The following SERINC3 variants were observed in gnomAD, a reference collection of about 807,000 sequenced individuals.
SERINC3 encodes the protein serine incorporator 3.
In SERINC3, 22 loss-of-function variants were observed where a neutral mutation model predicts 52.1. The ratio of observed to expected loss-of-function variants is 0.42; its 90% CI spans 0.30 to 0.60. The LOEUF is 0.60. Ranked by LOEUF, SERINC3 falls within the 20% of genes least tolerant of loss-of-function variation. The pLI is 0.16. For synonymous variants in SERINC3, 226 were observed against 212.7 expected (o/e 1.06, Z -0.54); for missense variants, 564 against 584.6 (o/e 0.96, Z 0.36).
chr20:44,515,828 T>C lies in SERINC3; in HGVS notation c.40-1788A>G, dbSNP rs1329527395. 3.3e-5 allele frequency among the ~76,000 whole-genome samples: 5 copies of C among 151,396 alleles called. No homozygotes were observed. In the East Asian group the frequency reaches 7.8e-4, roughly 24 times the overall value. On this transcript the variant is annotated intron_variant, in intron 1 of 9. Coordinates refer to ENST00000342374, the MANE Select transcript of SERINC3 (RefSeq NM_006811.4). The stretch of plus-strand genomic sequence containing the variant: ...GCCACCCCCAGCTGATTTTTTTTTG[T>C]ATTTTTTAGTAGAGACAGGGTTTTG...
intron 1 of SERINC3, 102 bp downstream of exon 1, chr20:44,521,811 G>A: frequency 1.6e-6 from 2 of 1,223,742 alleles, no homozygotes; most frequent in Non-Finnish European, 2.3e-6. Context: ...AGGGCCTGCT[G>A]ACATCCCGAG....
At chr20:44,496,392 TAAAG>T (rs1240948324), downstream of SERINC3, 1 of 152,060 alleles carries the variant, frequency 6.6e-6, no homozygotes. Context: ...ACAACAGGAG[TAAAG>T]AGATGAACAG....
At chr20:44,516,102 G>C (rs1215895813) in intron 1 of SERINC3, among the ~76,000 whole-genome samples, 1 of 148,442 alleles carries the variant, frequency 6.7e-6, no homozygotes, top group Non-Finnish European at 1.5e-5. Flanking sequence ...AGGAGTTCAA[G>C]ACCAGCCTGG....
chr20:44,497,182 G>A (rs947512910), downstream of SERINC3, among the ~76,000 whole-genome samples: 6 of 152,208 alleles, frequency 3.9e-5, no homozygotes, highest in Non-Finnish European at 7.3e-5. Context: ...TGGAATGAAA[G>A]GCCACCCTGA....
At position 44,499,150 on chromosome 20, in the gene SERINC3, G is replaced by T. The variant is rs78697396; in HGVS notation, c.*1146C>A. 2.0e-5 allele frequency: 3 copies of T among 152,468 alleles called. No homozygotes were observed. In the East Asian group the frequency reaches 5.6e-4, roughly 29 times the overall value. 9.4% of individuals were successfully genotyped at this position (152,468 alleles called of 1,614,324 possible). ...TCCAAGACGGCAGAGCCTCTATCAT[G>T]TTTAACACTGTACCCCAAAACCTAC... On this transcript the variant is annotated 3_prime_UTR_variant, in exon 10 of 10. Transcript: ENST00000342374.
At chr20:44,504,416 A>C (rs1210072412) in intron 7 of SERINC3, among the ~76,000 whole-genome samples, 1 of 152,242 alleles carries the variant, frequency 6.6e-6, no homozygotes, top group African/African-American at 2.4e-5. Context: ...TCCTACTGAG[A>C]AACAATCCTA....
Position 44,500,130 on chromosome 20 carries a change from T to G in SERINC3, c.*166A>C. On this transcript the variant is annotated 3_prime_UTR_variant, in exon 10 of 10. Transcript: ENST00000342374. Reference sequence around the variant, plus strand: ...ATACAGATAAATGAGAAGTTTCGATTCTGCATCAAGCATTATTCAATCTCA... The same window carrying G: ...ATACAGATAAATGAGAAGTTTCGATGCTGCATCAAGCATTATTCAATCTCA... 1.4e-6 allele frequency: 1 copy of G among 693,958 alleles called. No individual in the cohort carries two copies. Among genetic ancestry groups the G allele is most frequent in the Non-Finnish European group, 2.4e-6 (1 of 425,124 alleles). The allele number at this position is 693,958 out of a possible 1,614,324, so 43.0% of individuals were successfully genotyped here.
In SERINC3 at chr20:44,512,741, T is replaced by A. The variant is rs1341772312; in HGVS notation, c.395+60A>T. ...ATTTCATCAGAATGGCTATATTAACTGCTGAAGGGAAGGAAGAGCCACACC... is the reference window on the plus strand; with the variant it reads ...ATTTCATCAGAATGGCTATATTAACAGCTGAAGGGAAGGAAGAGCCACACC... On this transcript the variant is annotated intron_variant, in intron 3 of 9. Coordinates refer to ENST00000342374, the MANE Select transcript of SERINC3 (RefSeq NM_006811.4). 6 of 1,354,974 alleles carry A rather than the reference T, an allele frequency of 4.4e-6. No homozygotes were observed. In the East Asian group the frequency reaches 1.6e-4, roughly 36 times the overall value. The allele number at this position is 1,354,974 out of a possible 1,614,324, so 83.9% of individuals were successfully genotyped here.
chr20:44,520,204 C>T (rs572302850), intron 1 of SERINC3, among the ~76,000 whole-genome samples: 2 of 152,274 alleles, frequency 1.3e-5, no homozygotes, highest in African/African-American at 2.4e-5. Flanking sequence ...GGCGAAATCC[C>T]GTCTTTATTG....
At position 44,498,108 on chromosome 20, in the gene SERINC3, T is replaced by A. The variant is rs1359568961; in HGVS notation, c.*2188A>T. On this transcript the variant is annotated 3_prime_UTR_variant, in exon 10 of 10. Coordinates refer to ENST00000342374, the MANE Select transcript of SERINC3 (RefSeq NM_006811.4). ...GGGATGCAAACCCAAGCAGTCTGAC[T>A]CCCAAGCCTCTTAACCATTCTTAAG... 6.6e-6 allele frequency: 1 copy of A among 152,210 alleles called. No individual in the cohort carries two copies. 9.4% of individuals were successfully genotyped at this position (152,210 alleles called of 1,614,324 possible).
chr20:44,516,985 G>C (rs143880583), intron 1 of SERINC3, among the ~76,000 whole-genome samples: 9 of 152,102 alleles, frequency 5.9e-5, no homozygotes, highest in Admixed American at 2.0e-4. Flanking sequence ...GGATAACTCT[G>C]GTCTTAAAAT....
At chr20:44,515,799 C>T (rs1313792907) in intron 1 of SERINC3, among the ~76,000 whole-genome samples, 2 of 151,356 alleles carry the variant, frequency 1.3e-5, no homozygotes, top group Non-Finnish European at 2.9e-5. Context: ...TACAGGTGTG[C>T]AATGCCACCC....
chr20:44,513,939 G>C lies in SERINC3; in HGVS notation c.141C>G (p.Leu47=), dbSNP rs1468702216. The C allele has an allele frequency of 6.2e-7, 1 of 1,614,122 alleles. No homozygotes were observed. Among genetic ancestry groups the C allele is most frequent in the Admixed American group, 1.7e-5 (1 of 60,008 alleles). The part of the protein sequence containing the change: ...VTRLIYAFIL[L]LSTVVSYIMQ... ...TGATATAGGATACGACAGTGCTCAG[G>C]AGGAGAATGAAAGCATAAATGAGGC... Residue 47 remains leucine, a synonymous_variant, in exon 2 of 10, where the codon CTC becomes CTG. Coordinates refer to ENST00000342374, the MANE Select transcript of SERINC3 (RefSeq NM_006811.4).
At chr20:44,500,980 G>GAGCA in intron 9 of SERINC3, 93 bp downstream of exon 9, 1 of 866,506 alleles carries the variant, frequency 1.2e-6, no homozygotes, top group Non-Finnish European at 1.9e-6. Flanking sequence ...ATATGGGTAA[G>GAGCA]AGCAAGGGTT....
At chr20:44,506,751 A>C in intron 6 of SERINC3, 76 bp downstream of exon 6, 2 of 1,006,694 alleles carry the variant, frequency 2.0e-6, no homozygotes, top group Non-Finnish European at 2.8e-6. Context: ...ACATAAATTC[A>C]TAAGAAAGGG....
chr20:44,506,157 C>T (rs1418929408), intron 6 of SERINC3, among the ~76,000 whole-genome samples: 9 of 150,992 alleles, frequency 6.0e-5, no homozygotes, highest in Admixed American at 5.3e-4. Flanking sequence ...AAAAATTAGC[C>T]GGGCATGGTG....
downstream of SERINC3, among the ~76,000 whole-genome samples, chr20:44,496,724 G>A (rs1158170759): frequency 6.6e-6 from 1 of 152,160 alleles, no homozygotes; most frequent in Non-Finnish European, 1.5e-5. Flanking sequence ...AACATGGGAG[G>A]TGGAGGTTGC....
intron 8 of SERINC3, among the ~76,000 whole-genome samples, chr20:44,502,872 CA>C (rs2064288697): frequency 6.6e-6 from 1 of 152,174 alleles, no homozygotes; most frequent in Non-Finnish European, 1.5e-5. Context: ...GTGGGAAATA[CA>C]GGCATGAGCC....
intron 5 of SERINC3, among the ~76,000 whole-genome samples, chr20:44,507,428 A>G (rs2064321670): frequency 6.6e-6 from 1 of 152,204 alleles, no homozygotes; most frequent in South Asian, 2.1e-4. Context: ...GTATCTTTTT[A>G]TGACAGTTTT....
Sources: allele counts gnomAD v4.1 joint callset (sites outside exome capture counted in the v4.1 genomes callset), GRCh38; gene constraint gnomAD v4.1.1; transcripts MANE v1.5; gene names NCBI Gene and HGNC (gene_info 2026-07-23, HGNC 2026-07-21).